The following TAPT1 variants were observed in gnomAD, a reference collection of about 807,000 sequenced individuals.
TAPT1 encodes transmembrane anterior posterior transformation protein 1 homolog.
In TAPT1, 28 loss-of-function variants were observed where a neutral mutation model predicts 65.6. That is an observed-to-expected ratio of 0.43 (90% CI 0.32 to 0.59). TAPT1 has a LOEUF of 0.59. Ranked by LOEUF, TAPT1 falls within the 20% of genes least tolerant of loss-of-function variation. The pLI, the probability that TAPT1 is intolerant of heterozygous loss-of-function variation, is 0.09. For synonymous variants in TAPT1, 278 were observed against 245.2 expected (o/e 1.13, Z -1.25); for missense variants, 563 against 679.9 (o/e 0.83, Z 1.91).
Position 16,212,639 on chromosome 4 carries a change from T to A in TAPT1, c.330+1129A>T, listed in dbSNP as rs754345643. Among the ~76,000 whole-genome samples the A allele has an allele frequency of 3.9e-5, 6 of 152,194 alleles. No individual in the cohort carries two copies. In the East Asian group the frequency reaches 1.2e-3, roughly 29 times the overall value. On this transcript the variant is annotated intron_variant, in intron 2 of 13. Coordinates refer to ENST00000405303, the MANE Select transcript of TAPT1 (RefSeq NM_153365.3). ...AGTCCCTCAGGCCCCCCCAGGGAACTCTAGTCCTCTAGAAATGCAGGAATA... is the reference window on the plus strand; with the variant it reads ...AGTCCCTCAGGCCCCCCCAGGGAACACTAGTCCTCTAGAAATGCAGGAATA...
At chr4:16,174,579 AG>A (rs1748208034) in intron 10 of TAPT1, 90 bp downstream of exon 10, 1 of 1,182,942 alleles carries the variant, frequency 8.5e-7, no homozygotes. Context: ...GCTTTCCTTT[AG>A]TTAATATTTC....
At chr4:16,180,653 C>T (rs914284531) in intron 7 of TAPT1, among the ~76,000 whole-genome samples, 1 of 152,126 alleles carries the variant, frequency 6.6e-6, no homozygotes, top group Non-Finnish European at 1.5e-5. Flanking sequence ...TCCACCTTTC[C>T]CCATTATTCT....
At chr4:16,225,496 C>G (rs1480386201) in intron 1 of TAPT1, among the ~76,000 whole-genome samples, 6 of 152,156 alleles carry the variant, frequency 3.9e-5, no homozygotes, top group Non-Finnish European at 8.8e-5. Flanking sequence ...ATCTCAAAAC[C>G]TTTTTTCATT....
rs777859476 is a variant in TAPT1 at position 16,191,396 on chromosome 4, C to T, written c.577G>A (p.Val193Ile). Reference protein sequence around the residue: ...MMYHLIRGQSVIKLYIIYNML... With the variant: ...MMYHLIRGQSIIKLYIIYNML... ...TTGTAGATGATGTAGAGCTTGATGA[C>T]GGACTGCCCCCTTATCAGGTGGTAC... Residue 193 changes from valine (V) to isoleucine (I), a missense_variant, in exon 4 of 14, where the codon GTC (valine) becomes ATC (isoleucine). Coordinates refer to ENST00000405303, the MANE Select transcript of TAPT1 (RefSeq NM_153365.3). 2.1e-5 allele frequency: 33 copies of T among 1,601,442 alleles called. No individual in the cohort carries two copies. The highest frequency in any genetic ancestry group is 1.3e-5 in the African/African-American group (1 of 74,710).
At chr4:16,225,622 A>C (rs1308717856) in intron 1 of TAPT1, among the ~76,000 whole-genome samples, 2 of 152,256 alleles carry the variant, frequency 1.3e-5, no homozygotes, top group Admixed American at 1.3e-4. Flanking sequence ...ATACGTTTAA[A>C]ACTGGTCATT....
intron 7 of TAPT1, among the ~76,000 whole-genome samples, chr4:16,181,941 T>C (rs1219262127): frequency 1.3e-5 from 2 of 152,182 alleles, no homozygotes; most frequent in East Asian, 1.9e-4. Context: ...ATTTGGTAAA[T>C]GAATGCGATT....
At chr4:16,218,854 C>T (rs1751093096) in intron 1 of TAPT1, among the ~76,000 whole-genome samples, 1 of 152,090 alleles carries the variant, frequency 6.6e-6, no homozygotes, top group Non-Finnish European at 1.5e-5. Context: ...GGTAATATGA[C>T]AAATAAGTAT....
At chr4:16,188,468 G>A in intron 4 of TAPT1, 113 bp from the exon 5 acceptor site, 1 of 803,360 alleles carries the variant, frequency 1.2e-6, no homozygotes, top group Non-Finnish European at 1.9e-6. Context: ...CTAGTAGAAG[G>A]CAAGCTAAAG....
chr4:16,218,663 T>C (rs1419423400), intron 1 of TAPT1, among the ~76,000 whole-genome samples: 1 of 152,234 alleles, frequency 6.6e-6, no homozygotes, highest in Non-Finnish European at 1.5e-5. Context: ...GCTGTTTGCC[T>C]TATCCACAGA....
At chr4:16,167,996 T>C (rs954145220) in intron 12 of TAPT1, among the ~76,000 whole-genome samples, 5 of 152,176 alleles carry the variant, frequency 3.3e-5, no homozygotes, top group African/African-American at 1.2e-4. Flanking sequence ...AGAAATAAAA[T>C]TTCTGGGTCA....
rs567614266 is a variant in TAPT1 at position 16,226,249 on chromosome 4, C to G, written c.199+10G>C. On this transcript the variant is annotated intron_variant, in intron 1 of 13. Transcript: ENST00000405303. ...CGGAGCCCGCCACGGCCTAGCGCCG[C>G]CCGCCTCACCTGTGCGGCCCCGGCG... is the stretch of plus-strand genomic sequence containing the variant. 1 of 1,118,010 alleles carries G rather than the reference C, an allele frequency of 8.9e-7. No individual in the cohort carries two copies. The highest frequency in any genetic ancestry group is 1.1e-6 in the Non-Finnish European group (1 of 915,634). 69.3% of individuals were successfully genotyped at this position (1,118,010 alleles called of 1,614,324 possible). A position where few individuals can be genotyped will look rare whatever the true frequency, so the allele number is the denominator to read the frequency against.
intron 3 of TAPT1, among the ~76,000 whole-genome samples, chr4:16,195,915 T>C (rs568016442): frequency 6.1e-4 from 93 of 152,322 alleles, no homozygotes; most frequent in Non-Finnish European, 1.1e-3. Flanking sequence ...AATCCCTGCA[T>C]AGTTATTTCA....
At chr4:16,220,315 AAC>A (rs1751173739) in intron 1 of TAPT1, among the ~76,000 whole-genome samples, 1 of 152,182 alleles carries the variant, frequency 6.6e-6, no homozygotes, top group African/African-American at 2.4e-5. Flanking sequence ...TTCTAAGCAA[AAC>A]AGTCACTCTC....
In TAPT1 at chr4:16,179,564, A is replaced by AC. The variant is rs1169323062; in HGVS notation, c.997+12_997+13insG. The stretch of plus-strand genomic sequence containing the variant: ...TAAAATTATAAGACACTGTTTTGTT[A>AC]AGAGTGAGTTACCTGGATTCCAAGA... On this transcript the variant is annotated intron_variant, in intron 8 of 13. Coordinates refer to ENST00000405303, the MANE Select transcript of TAPT1 (RefSeq NM_153365.3). The AC allele has an allele frequency of 6.7e-7, 1 of 1,482,114 alleles. No homozygotes were observed. The highest frequency in any genetic ancestry group is 9.1e-7 in the Non-Finnish European group (1 of 1,101,536). The allele number at this position is 1,482,114 out of a possible 1,614,324, so 91.8% of individuals were successfully genotyped here.
chr4:16,198,585 T>C (rs1199096802), intron 3 of TAPT1, among the ~76,000 whole-genome samples: 1 of 151,044 alleles, frequency 6.6e-6, no homozygotes, highest in African/African-American at 2.4e-5. Flanking sequence ...ATTTAAAAAA[T>C]TGCAATCAAC....
chr4:16,180,154 T>C (rs551333480), intron 7 of TAPT1, among the ~76,000 whole-genome samples: 15 of 152,254 alleles, frequency 9.9e-5, no homozygotes, highest in African/African-American at 2.9e-4. Flanking sequence ...GCTACTACAA[T>C]AGCATTTCCG....
intron 1 of TAPT1, chr4:16,225,928 G>C: frequency 6.1e-6 from 6 of 988,750 alleles, no homozygotes; most frequent in Non-Finnish European, 7.2e-6. Context: ...TTTGGGCTCC[G>C]AGACGTGGGA....
intron 2 of TAPT1, among the ~76,000 whole-genome samples, chr4:16,212,292 A>C (rs1186641241): frequency 6.6e-6 from 1 of 152,168 alleles, no homozygotes; most frequent in Non-Finnish European, 1.5e-5. Context: ...AGGTGGGCAA[A>C]AGCTGATTGT....
chr4:16,197,018 T>C (rs1183471469), intron 3 of TAPT1, among the ~76,000 whole-genome samples: 2 of 152,148 alleles, frequency 1.3e-5, no homozygotes, highest in Non-Finnish European at 2.9e-5. Context: ...AAAAATCTAT[T>C]ATAACATATA....
Sources: allele counts gnomAD v4.1 joint callset (sites outside exome capture counted in the v4.1 genomes callset), GRCh38; gene constraint gnomAD v4.1.1; transcripts MANE v1.5; gene names NCBI Gene and HGNC (gene_info 2026-07-23, HGNC 2026-07-21).